The following AGAP1 variants were observed in gnomAD, a reference collection of about 807,000 sequenced individuals.
AGAP1 encodes ArfGAP with GTPase domain, ankyrin repeat and PH domain 1, also known as arf-GAP with GTPase, ANK repeat and PH domain-containing protein 1.
A neutral mutation model predicts 105.3 loss-of-function variants in AGAP1; 29 were observed. The ratio of observed to expected loss-of-function variants is 0.28; its 90% CI spans 0.21 to 0.38. The LOEUF (loss-of-function observed/expected upper bound fraction) is 0.38. Ranked by LOEUF, AGAP1 falls within the 10% of genes least tolerant of loss-of-function variation. AGAP1 has a pLI of 1.00. For synonymous variants in AGAP1, 509 were observed against 485.9 expected, an observed-to-expected ratio of 1.05 and a Z score of -0.63; for missense variants, 998 against 1,165.1, an observed-to-expected ratio of 0.86 and a Z score of 2.09.
intron 16 of AGAP1, among the ~76,000 whole-genome samples, chr2:236,107,642 A>G (rs1457873977): frequency 6.6e-6 from 1 of 152,194 alleles, no homozygotes; most frequent in Non-Finnish European, 1.5e-5. Context: ...GACTAAGCTC[A>G]GCTCCCAGTA....
At chr2:235,506,682 G>A (rs909688908) in intron 1 of AGAP1, among the ~76,000 whole-genome samples, 9 of 152,132 alleles carry the variant, frequency 5.9e-5, no homozygotes, top group Non-Finnish European at 8.8e-5. Flanking sequence ...AGGAGCCACC[G>A]GAAGCCGGGT....
Position 235,845,532 on chromosome 2 carries a change from G to C in AGAP1, c.1051-37813G>C, listed in dbSNP as rs962582869. Among the ~76,000 whole-genome samples, 1 of 151,982 alleles carries C rather than the reference G, an allele frequency of 6.6e-6. No homozygotes were observed. Among genetic ancestry groups the C allele is most frequent in the Non-Finnish European group, 1.5e-5 (1 of 67,974 alleles). Reference sequence around the variant, plus strand: ...AGCTGTGGGGTCACCACTATCCACCGACAGCCCAGCCGGTCGACAGCAGAC... The same window carrying C: ...AGCTGTGGGGTCACCACTATCCACCCACAGCCCAGCCGGTCGACAGCAGAC... On this transcript the variant is annotated intron_variant, in intron 9 of 17. Transcript: ENST00000304032. The surrounding 1 kb of genome is among the most constrained non-coding windows in gnomAD (Gnocchi z 4.8).
Position 235,494,680 on chromosome 2 carries a change from C to T in AGAP1, c.-7C>T. On this transcript the variant is annotated 5_prime_UTR_variant, in exon 1 of 18. Coordinates refer to ENST00000304032, the MANE Select transcript of AGAP1 (RefSeq NM_001037131.3). ...GGGCGCGCGGCTCCGGGCGCGGCGC[C>T]TGCACCATGAACTACCAGCAGCAGC... 1 of 1,463,446 alleles carries T rather than the reference C, an allele frequency of 6.8e-7. No individual in the cohort carries two copies. Among genetic ancestry groups the T allele is most frequent in the Non-Finnish European group, 9.1e-7 (1 of 1,095,968 alleles). The allele number at this position is 1,463,446 out of a possible 1,614,324, so 90.7% of individuals were successfully genotyped here. A position where few individuals can be genotyped will look rare whatever the true frequency, so the allele number is the denominator to read the frequency against.
In AGAP1 at chr2:235,953,045, C is replaced by A. The variant is rs2053805266; in HGVS notation, c.1484-15417C>A. Among the ~76,000 whole-genome samples, 1 of 152,198 alleles carries A rather than the reference C, an allele frequency of 6.6e-6. No homozygotes were observed. The highest frequency in any genetic ancestry group is 1.5e-5 in the Non-Finnish European group (1 of 68,038). On this transcript the variant is annotated intron_variant, in intron 12 of 17. Transcript: ENST00000304032. This position sits in a 1 kb window ranked among gnomAD's most constrained non-coding sequence, Gnocchi z 5.2. Reference sequence around the variant, plus strand: ...GGCCTTCTGTACGAGGCACCTGACACCACGATGCTATCACCATCCTCGCTG... The same window carrying A: ...GGCCTTCTGTACGAGGCACCTGACAACACGATGCTATCACCATCCTCGCTG...
At chr2:235,533,422 C>T (rs761584660) in intron 1 of AGAP1, among the ~76,000 whole-genome samples, 4 of 152,114 alleles carry the variant, frequency 2.6e-5, no homozygotes, top group Non-Finnish European at 5.9e-5. Context: ...GAAATGTGTA[C>T]ATCCATTACT....
At chr2:235,675,299 C>T (rs1022007990) in intron 1 of AGAP1, among the ~76,000 whole-genome samples, 3 of 151,590 alleles carry the variant, frequency 2.0e-5, no homozygotes, top group African/African-American at 4.8e-5. Flanking sequence ...ATGCCATGCT[C>T]CTGCCTCAGC....
intron 1 of AGAP1, among the ~76,000 whole-genome samples, chr2:235,677,814 G>T (rs1204824710): frequency 1.3e-5 from 2 of 148,988 alleles, no homozygotes; most frequent in Admixed American, 6.8e-5. Context: ...TCCTACACAG[G>T]ATCAGAATCA....
At chr2:235,530,453 T>G (rs75014289) in intron 1 of AGAP1, among the ~76,000 whole-genome samples, 3,423 of 152,324 alleles carry the variant, frequency 0.022, 141 homozygotes, top group African/African-American at 0.077. Flanking sequence ...TATTCTGTTA[T>G]AGTTCTGGAG....
chr2:236,012,167 C>T lies in AGAP1; in HGVS notation c.1646-24394C>T, dbSNP rs1201230168. Among the ~76,000 whole-genome samples the T allele has an allele frequency of 1.3e-5, 2 of 151,994 alleles. No individual in the cohort carries two copies. The highest frequency in any genetic ancestry group is 2.1e-4 in the South Asian group (1 of 4,808). On this transcript the variant is annotated intron_variant, in intron 13 of 17. Coordinates refer to ENST00000304032, the MANE Select transcript of AGAP1 (RefSeq NM_001037131.3). The surrounding 1 kb of genome is among the most constrained non-coding windows in gnomAD (Gnocchi z 4.9). ...TTTCATCAATAGGTTAATAGAAAGCCGGGCTGCAAGTTCACTTCCTGCTTA... is the reference window on the plus strand; with the variant it reads ...TTTCATCAATAGGTTAATAGAAAGCTGGGCTGCAAGTTCACTTCCTGCTTA...
At chr2:235,812,394 G>C (rs1958196406) in intron 9 of AGAP1, among the ~76,000 whole-genome samples, 1 of 152,230 alleles carries the variant, frequency 6.6e-6, no homozygotes, top group African/African-American at 2.4e-5. Flanking sequence ...CAGTTGAGTA[G>C]AAAGAGGCAA....
In AGAP1 at chr2:236,127,606, T is replaced by G. The variant is rs1319490113; in HGVS notation, c.*3484T>G. The G allele has an allele frequency of 6.6e-6, 1 of 152,224 alleles. No individual in the cohort carries two copies. Among genetic ancestry groups the G allele is most frequent in the Non-Finnish European group, 1.5e-5 (1 of 68,054 alleles). 9.4% of individuals were successfully genotyped at this position (152,224 alleles called of 1,614,324 possible). On this transcript the variant is annotated 3_prime_UTR_variant, in exon 18 of 18. Coordinates refer to ENST00000304032, the MANE Select transcript of AGAP1 (RefSeq NM_001037131.3). This position sits in a 1 kb window ranked among gnomAD's most constrained non-coding sequence, Gnocchi z 6.6. The stretch of plus-strand genomic sequence containing the variant: ...GCATTGAAGCTCCCTCTTCTGAGAT[T>G]TCACCCAGCCTGATGAGGCCTGCAT...
intron 1 of AGAP1, among the ~76,000 whole-genome samples, chr2:235,708,536 A>G (rs1386527895): frequency 1.3e-5 from 2 of 152,152 alleles, no homozygotes; most frequent in East Asian, 1.9e-4. Context: ...GGAGTCCTCC[A>G]TCTTTCTGAC....
At chr2:235,759,314 G>T (rs113900248) in intron 6 of AGAP1, among the ~76,000 whole-genome samples, 2 of 151,990 alleles carry the variant, frequency 1.3e-5, no homozygotes, top group Admixed American at 1.3e-4. Context: ...GACTACAGGC[G>T]CCTGCCACCA....
At chr2:235,926,500 G>A (rs147916541) in intron 11 of AGAP1, among the ~76,000 whole-genome samples, 2 of 152,324 alleles carry the variant, frequency 1.3e-5, no homozygotes, top group African/African-American at 2.4e-5. Context: ...ACGTTGAAAG[G>A]CAGGTACTGT....
chr2:235,817,949 A>T (rs1015095137), intron 9 of AGAP1, among the ~76,000 whole-genome samples: 2 of 152,196 alleles, frequency 1.3e-5, no homozygotes, highest in African/African-American at 4.8e-5. Context: ...ATTGTCCATA[A>T]ATTACCTAAT....
intron 1 of AGAP1, among the ~76,000 whole-genome samples, chr2:235,541,933 A>C (rs775773943): frequency 6.6e-6 from 1 of 152,144 alleles, no homozygotes; most frequent in Non-Finnish European, 1.5e-5. Flanking sequence ...ATAATATTCT[A>C]CTTAATGAAT....
At chr2:235,857,630 C>T (rs1366022410) in intron 9 of AGAP1, among the ~76,000 whole-genome samples, 2 of 152,210 alleles carry the variant, frequency 1.3e-5, no homozygotes, top group Non-Finnish European at 2.9e-5. Context: ...TTGTCTGTTT[C>T]TCCACATATA....
chr2:235,895,761 A>G (rs2050778443), intron 10 of AGAP1, among the ~76,000 whole-genome samples: 1 of 149,898 alleles, frequency 6.7e-6, no homozygotes, highest in South Asian at 2.1e-4. Context: ...ATGGAGGCAC[A>G]ATTAGCCCAT....
rs2051035511 is a variant in AGAP1 at position 235,900,919 on chromosome 2, C to CA, written c.1156-7816dup. Among the ~76,000 whole-genome samples the CA allele has an allele frequency of 6.6e-6, 1 of 152,190 alleles. No individual in the cohort carries two copies. The highest frequency in any genetic ancestry group is 6.5e-5 in the Admixed American group (1 of 15,274). On this transcript the variant is annotated intron_variant, in intron 10 of 17. Coordinates refer to ENST00000304032, the MANE Select transcript of AGAP1 (RefSeq NM_001037131.3). The surrounding 1 kb of genome is among the most constrained non-coding windows in gnomAD (Gnocchi z 5.5). ...GAATGCTTTTGGCTGTCTTGGGAAA[C>CA]AAAGTTATTTCTCATGGGATTTTTC...
Sources: allele counts gnomAD v4.1 joint callset (sites outside exome capture counted in the v4.1 genomes callset), GRCh38; gene constraint gnomAD v4.1.1; non-coding constraint Gnocchi (gnomAD v3.1); transcripts MANE v1.5; gene names NCBI Gene and HGNC (gene_info 2026-07-23, HGNC 2026-07-21).